The following CUL2 variants were observed in gnomAD, a reference collection of about 807,000 sequenced individuals.
CUL2 encodes the protein cullin-2.
Under a neutral mutation model 110.2 loss-of-function variants are expected in CUL2, and 22 were observed. That is an observed-to-expected ratio of 0.20 (90% CI 0.14 to 0.28). The LOEUF (loss-of-function observed/expected upper bound fraction) is 0.28. Ranked by LOEUF, CUL2 falls within the 10% of genes least tolerant of loss-of-function variation. The pLI, the probability that CUL2 is intolerant of heterozygous loss-of-function variation, is 1.00. For missense variants in CUL2, 631 were observed against 905.5 expected, an observed-to-expected ratio of 0.70 and a Z score of 3.89; for synonymous variants, 279 against 293.2, an observed-to-expected ratio of 0.95 and a Z score of 0.49.
chr10:35,025,885 G>A (rs2085325585), intron 16 of CUL2, among the ~76,000 whole-genome samples: 1 of 152,116 alleles, frequency 6.6e-6, no homozygotes, highest in Non-Finnish European at 1.5e-5. Context: ...AAAATAAACT[G>A]CATTATGCCA....
chr10:35,029,981 T>C (rs758541531), intron 14 of CUL2, among the ~76,000 whole-genome samples: 15 of 152,212 alleles, frequency 9.9e-5, no homozygotes, highest in Admixed American at 9.8e-4. Flanking sequence ...GATTTTATGT[T>C]GTGTTTTGTT....
chr10:35,061,063 T>C (rs2086368670), intron 3 of CUL2, 95 bp from the exon 4 acceptor site: 1 of 1,297,988 alleles, frequency 7.7e-7, no homozygotes, highest in South Asian at 1.5e-5. Context: ...TAAAATAATT[T>C]ACATAATTCT....
intron 10 of CUL2, 95 bp downstream of exon 10, chr10:35,035,076 CT>C: frequency 6.9e-7 from 1 of 1,441,956 alleles, no homozygotes; most frequent in Non-Finnish European, 9.6e-7. Context: ...CATGGTAAGA[CT>C]TTTTCTTTCA....
chr10:35,076,401 T>G (rs1036198505), intron 1 of CUL2, among the ~76,000 whole-genome samples: 2 of 152,152 alleles, frequency 1.3e-5, no homozygotes, highest in Non-Finnish European at 2.9e-5. Context: ...AACTGAATGG[T>G]ATGTGACGTA....
chr10:35,074,970 C>A (rs190666261), intron 1 of CUL2, among the ~76,000 whole-genome samples: 1 of 152,322 alleles, frequency 6.6e-6, no homozygotes, highest in African/African-American at 2.4e-5. Flanking sequence ...GCTAGCGATG[C>A]TCCCCTCACA....
At chr10:35,085,698 A>G (rs1292935762) in intron 1 of CUL2, among the ~76,000 whole-genome samples, 1 of 140,214 alleles carries the variant, frequency 7.1e-6, no homozygotes, top group Non-Finnish European at 1.5e-5. Flanking sequence ...CTCTGTCTCA[A>G]AAAAAAAAAA....
At chr10:35,100,892 T>C (rs996764633) in exon 2 of CUL2, 1 of 151,400 alleles carries the variant, frequency 6.6e-6, no homozygotes, top group Non-Finnish European at 1.5e-5. Flanking sequence ...AGTTCCATTC[T>C]CCCCAATAAG....
At chr10:35,070,533 T>G (rs1312387486) in intron 2 of CUL2, among the ~76,000 whole-genome samples, 1 of 152,210 alleles carries the variant, frequency 6.6e-6, no homozygotes, top group Non-Finnish European at 1.5e-5. Flanking sequence ...AGCAGATCAC[T>G]GTCATGGAGG....
intron 1 of CUL2, among the ~76,000 whole-genome samples, chr10:35,111,764 C>T (rs2087526674): frequency 6.6e-6 from 1 of 152,274 alleles, no homozygotes; most frequent in Admixed American, 6.5e-5. Flanking sequence ...GTGGCATGTG[C>T]CTGCAATCCC....
chr10:35,018,615 T>A (rs939209035), intron 17 of CUL2, among the ~76,000 whole-genome samples: 2 of 151,488 alleles, frequency 1.3e-5, no homozygotes, highest in African/African-American at 4.9e-5. Flanking sequence ...AATACAAAAT[T>A]AGCCGGGTGT....
intron 18 of CUL2, among the ~76,000 whole-genome samples, chr10:35,015,066 C>T (rs1395893137): frequency 2.6e-5 from 4 of 152,058 alleles, no homozygotes; most frequent in African/African-American, 9.7e-5. Flanking sequence ...AGGTGGATCA[C>T]CTGAGGTCAG....
In CUL2 at chr10:35,038,525, C is replaced by CAAAAAA. The variant is rs61022194; in HGVS notation, c.877+389_877+394dup. Among the ~76,000 whole-genome samples the CAAAAAA allele has an allele frequency of 6.9e-4, 45 of 65,464 alleles. 3 individuals carry two copies. Among genetic ancestry groups the CAAAAAA allele is most frequent in the African/African-American group, 2.8e-3 (42 of 14,968 alleles). 42.9% of individuals were successfully genotyped at this position (65,464 alleles called of 152,430 possible). A position where few individuals can be genotyped will look rare whatever the true frequency, so the allele number is the denominator to read the frequency against. On this transcript the variant is annotated intron_variant, in intron 9 of 20. Transcript: ENST00000374749. ...TGGGCGACAGAGTGAGACTCTGTCT[C>CAAAAAA]AAAAAAAAAAAAAAAAAAAAAAAAA... is the stretch of plus-strand genomic sequence containing the variant.
chr10:35,066,591 G>A (rs1298944627), intron 2 of CUL2, among the ~76,000 whole-genome samples: 1 of 152,208 alleles, frequency 6.6e-6, no homozygotes, highest in East Asian at 1.9e-4. Context: ...GAGCCACTGC[G>A]CCCCGCCAGA....
chr10:35,017,886 AAAAAG>A (rs1204795220), intron 17 of CUL2, among the ~76,000 whole-genome samples: 5 of 151,792 alleles, frequency 3.3e-5, no homozygotes, highest in African/African-American at 1.2e-4. Flanking sequence ...AAAAAAAAAA[AAAAAG>A]AAAAGAAAAA....
At chr10:35,109,155 T>C (rs1290712573) in intron 1 of CUL2, among the ~76,000 whole-genome samples, 1 of 152,136 alleles carries the variant, frequency 6.6e-6, no homozygotes, top group Admixed American at 6.5e-5. Context: ...GAGGCTCCAG[T>C]GAGCCATGTT....
intron 18 of CUL2, 26 bp from the exon 19 acceptor site, chr10:35,013,826 A>T: frequency 7.3e-7 from 1 of 1,366,028 alleles, no homozygotes; most frequent in South Asian, 1.7e-5. Flanking sequence ...AAACATTTAT[A>T]TTTATAAAAA....
chr10:35,073,352 GT>G (rs2086730468), intron 1 of CUL2, among the ~76,000 whole-genome samples: 1 of 152,080 alleles, frequency 6.6e-6, no homozygotes, highest in Non-Finnish European at 1.5e-5. Context: ...TCTCTTCCTT[GT>G]TTACTACATC....
At chr10:35,125,716 T>G in intron 1 of CUL2, among the ~76,000 whole-genome samples, 1 of 152,266 alleles carries the variant, frequency 6.6e-6, no homozygotes. Context: ...AAAATTTTTT[T>G]GTGGACCTGC....
chr10:35,105,707 CAA>C (rs200442371), intron 1 of CUL2, among the ~76,000 whole-genome samples: 8 of 106,438 alleles, frequency 7.5e-5, no homozygotes, highest in Admixed American at 2.0e-4. Context: ...GACTCTGTCT[CAA>C]AAAAAAAAAA....
Sources: allele counts gnomAD v4.1 joint callset (sites outside exome capture counted in the v4.1 genomes callset), GRCh38; gene constraint gnomAD v4.1.1; transcripts MANE v1.5; gene names NCBI Gene and HGNC (gene_info 2026-07-23, HGNC 2026-07-21).